API5: variants seen among roughly 807,000 people sequenced by gnomAD.
API5 encodes the protein apoptosis inhibitor 5, also known as FIF.
API5 carries 6 observed loss-of-function variants against 71.9 expected under a neutral mutation model. The observed-to-expected ratio is 0.08, with a 90% CI of 0.05 to 0.16. API5 has a LOEUF of 0.16. Among genes scored for constraint, API5 ranks in the 10% least tolerant of loss-of-function variants. The pLI is 1.00. For synonymous variants in API5, 189 were observed against 221.3 expected, an observed-to-expected ratio of 0.85 and a Z score of 1.30; for missense variants, 332 against 612.8, an observed-to-expected ratio of 0.54 and a Z score of 4.84.
intron 6 of API5, among the ~76,000 whole-genome samples, chr11:43,326,155 T>C (rs766106769): frequency 6.6e-6 from 1 of 152,194 alleles, no homozygotes; most frequent in Non-Finnish European, 1.5e-5. Flanking sequence ...GTTAATAGTA[T>C]AAAAAAGACT....
In API5 at chr11:43,342,916, A is replaced by G; in HGVS notation, c.*406A>G. On this transcript the variant is annotated 3_prime_UTR_variant, in exon 14 of 14. Coordinates refer to ENST00000531273, the MANE Select transcript of API5 (RefSeq NM_001142930.2). ...TCCCTCTTAGTTTTTTACCCAATAT[A>G]TGGAGAAGAGTAATGGTCAATCTTA... 2.2e-6 allele frequency: 1 copy of G among 453,186 alleles called. No individual in the cohort carries two copies. The highest frequency in any genetic ancestry group is 3.9e-6 in the Non-Finnish European group (1 of 255,822). 28.1% of individuals were successfully genotyped at this position (453,186 alleles called of 1,614,324 possible). A position where few individuals can be genotyped will look rare whatever the true frequency, so the allele number is the denominator to read the frequency against.
At chr11:43,328,344 G>A (rs188419480) in intron 8 of API5, among the ~76,000 whole-genome samples, 1 of 152,318 alleles carries the variant, frequency 6.6e-6, no homozygotes, top group Admixed American at 6.5e-5. Flanking sequence ...TAGTTGTTAA[G>A]AGCATCAGCA....
At chr11:43,312,713 T>C (rs1854523460) in intron 1 of API5, among the ~76,000 whole-genome samples, 1 of 152,134 alleles carries the variant, frequency 6.6e-6, no homozygotes, top group Non-Finnish European at 1.5e-5. Flanking sequence ...CACGGTTTCA[T>C]TTATTCAGTG....
intron 1 of API5, among the ~76,000 whole-genome samples, chr11:43,313,273 G>A (rs971303937): frequency 8.5e-5 from 13 of 152,260 alleles, no homozygotes; most frequent in African/African-American, 3.1e-4. Flanking sequence ...CAGTTTCTCA[G>A]CAGTGTTGAA....
At chr11:43,324,699 A>G (rs1855007954) in intron 6 of API5, among the ~76,000 whole-genome samples, 1 of 151,726 alleles carries the variant, frequency 6.6e-6, no homozygotes, top group Non-Finnish European at 1.5e-5. Flanking sequence ...TATTTATGAG[A>G]CAGAGTCTCG....
At chr11:43,323,939 G>T (rs908853399) in intron 6 of API5, among the ~76,000 whole-genome samples, 5 of 152,158 alleles carry the variant, frequency 3.3e-5, no homozygotes, top group African/African-American at 1.2e-4. Flanking sequence ...TTCAGATGAG[G>T]GATGCTTGGT....
At chr11:43,318,934 C>G in intron 2 of API5, 133 bp downstream of exon 2, 2 of 835,608 alleles carry the variant, frequency 2.4e-6, no homozygotes, top group Non-Finnish European at 3.5e-6. Context: ...GGCATCACAC[C>G]CAGGCTTAAA....
At chr11:43,312,742 G>A (rs1431419074) in intron 1 of API5, among the ~76,000 whole-genome samples, 1 of 152,120 alleles carries the variant, frequency 6.6e-6, no homozygotes, top group Non-Finnish European at 1.5e-5. Context: ...TGAGTGCCGA[G>A]CGCTGGAGAT....
chr11:43,344,032 G>A lies in API5; in HGVS notation c.*1522G>A, dbSNP rs1016255044. ...AAGTGAGCAAAAGTTGGTCAGCTTG[G>A]CTATGGAGTGGTGGCAATAATCTCT... is the stretch of plus-strand genomic sequence containing the variant. On this transcript the variant is annotated 3_prime_UTR_variant, in exon 14 of 14. Coordinates refer to ENST00000531273, the MANE Select transcript of API5 (RefSeq NM_001142930.2). 3.3e-5 allele frequency: 5 copies of A among 152,572 alleles called. No individual in the cohort carries two copies. Among genetic ancestry groups the A allele is most frequent in the African/African-American group, 9.7e-5 (4 of 41,440 alleles). The allele number at this position is 152,572 out of a possible 1,614,324, so 9.5% of individuals were successfully genotyped here.
chr11:43,322,180 G>C, intron 5 of API5, 44 bp downstream of exon 5: 1 of 1,537,004 alleles, frequency 6.5e-7, no homozygotes, highest in Non-Finnish European at 8.8e-7. Flanking sequence ...TAAAGCAAAA[G>C]AGCATACTTG....
intron 7 of API5, 82 bp from the exon 8 acceptor site, chr11:43,327,707 C>T (rs1855119221): frequency 3.0e-6 from 3 of 994,354 alleles, no homozygotes; most frequent in Non-Finnish European, 4.5e-6. Context: ...AAAATAAAGT[C>T]TTAAATCGTT....
chr11:43,336,802 G>A (rs6485419), intron 13 of API5, among the ~76,000 whole-genome samples: 152,079 of 152,082 alleles, frequency 1, 76,038 homozygotes, highest in Middle Eastern at 1. Flanking sequence ...AGGTCAGGAG[G>A]TCGAGACCAT....
At position 43,318,811 on chromosome 11, in the gene API5, T is replaced by C. The variant is rs1854766248; in HGVS notation, c.231+10T>C. 6.2e-6 allele frequency: 10 copies of C among 1,608,510 alleles called. No homozygotes were observed. The highest frequency in any genetic ancestry group is 3.3e-5 in the Admixed American group (2 of 59,870). ...GGATGAAGATGTATCTGTAAGTTTA[T>C]GAATGACACTTCATAGCAATCTTTC... On this transcript the variant is annotated intron_variant, in intron 2 of 13. Coordinates refer to ENST00000531273, the MANE Select transcript of API5 (RefSeq NM_001142930.2).
chr11:43,326,533 G>A lies in API5; in HGVS notation c.777G>A (p.Val259=). ...AAAATGTCCATTCCACAAGGTTTGT[G>A]ACATATTTCTGTGAGCAGGTTCTCC... is the stretch of plus-strand genomic sequence containing the variant. ...FSKNVHSTRF[V]TYFCEQVLPN... The change falls in exon 7 of 14, where the codon GTG becomes GTA. Residue 259 remains valine (V), a synonymous_variant. Transcript: ENST00000531273. The A allele has an allele frequency of 1.9e-6, 3 of 1,610,864 alleles. No individual in the cohort carries two copies. Among genetic ancestry groups the A allele is most frequent in the African/African-American group, 2.7e-5 (2 of 74,976 alleles).
chr11:43,320,755 G>T (rs1369047462), intron 2 of API5, 66 bp from the exon 3 acceptor site: 18 of 1,258,810 alleles, frequency 1.4e-5, no homozygotes, highest in Non-Finnish European at 1.9e-5. Flanking sequence ...AGAAAGAAAA[G>T]AAAAAGCTGT....
chr11:43,316,997 A>G (rs1348705019), intron 1 of API5, among the ~76,000 whole-genome samples: 1 of 152,190 alleles, frequency 6.6e-6, no homozygotes, highest in Non-Finnish European at 1.5e-5. Context: ...TTCACTTAAC[A>G]TAGCATTATC....
chr11:43,341,208 C>T (rs1407106136), intron 13 of API5, among the ~76,000 whole-genome samples: 1 of 151,944 alleles, frequency 6.6e-6, no homozygotes, highest in African/African-American at 2.4e-5. Context: ...ACATCAAAAC[C>T]ACAATGAGTA....
At chr11:43,331,045 A>G (rs756297510) in intron 11 of API5, among the ~76,000 whole-genome samples, 1 of 152,242 alleles carries the variant, frequency 6.6e-6, no homozygotes, top group Non-Finnish European at 1.5e-5. Context: ...ATATTATACA[A>G]TACAGTTACA....
At chr11:43,314,014 G>T (rs942320399) in intron 1 of API5, among the ~76,000 whole-genome samples, 1 of 151,954 alleles carries the variant, frequency 6.6e-6, no homozygotes. Context: ...GCTTGAACCC[G>T]GAGGGTGGAG....
Sources: gnomAD v4.1 joint callset for allele counts (sites outside exome capture counted in the v4.1 genomes callset) on GRCh38, gnomAD v4.1.1 for gene constraint, MANE v1.5 for transcripts, NCBI Gene and HGNC (gene_info 2026-07-23, HGNC 2026-07-21) for gene names.